Variants in FAM184A observed in about 807,000 individuals in gnomAD.
FAM184A encodes the protein family with sequence similarity 184 member A, also known as protein FAM184A.
FAM184A carries 99 observed loss-of-function variants against 143.8 expected under a neutral mutation model. That is an observed-to-expected ratio of 0.69 (90% CI 0.58 to 0.81). The LOEUF (loss-of-function observed/expected upper bound fraction) is 0.81. Ranked by LOEUF, FAM184A falls within the 40% of genes least tolerant of loss-of-function variation. The pLI is 0.00. For missense variants in FAM184A, 1,217 were observed against 1,310.5 expected (o/e 0.93, Z 1.10); for synonymous variants, 427 against 446.4 (o/e 0.96, Z 0.55).
chr6:119,117,063 A>G (rs1374720973), intron 1 of FAM184A, among the ~76,000 whole-genome samples: 1 of 152,236 alleles, frequency 6.6e-6, no homozygotes, highest in Non-Finnish European at 1.5e-5. Flanking sequence ...TGAGTGACCA[A>G]GTAGAACTAC....
chr6:119,067,743 T>A (rs969909557), intron 1 of FAM184A, among the ~76,000 whole-genome samples: 2 of 152,192 alleles, frequency 1.3e-5, no homozygotes, highest in Non-Finnish European at 2.9e-5. Context: ...GAACTGACTA[T>A]ATTTTATTTG....
At position 119,117,008 on chromosome 6, in the gene FAM184A, A is replaced by T. The variant is rs994679083; in HGVS notation, c.-202+32070T>A. On this transcript the variant is annotated intron_variant, in intron 1 of 16. Coordinates refer to the FAM184A transcript ENST00000352896. ...AACAGGAAAGCCTCCCAGACAGGATAGTATCTGCATTTTAGAAATATTATT... is the reference window on the plus strand; with the variant it reads ...AACAGGAAAGCCTCCCAGACAGGATTGTATCTGCATTTTAGAAATATTATT... Among the ~76,000 whole-genome samples, 35 of 152,228 alleles carry T rather than the reference A, an allele frequency of 2.3e-4. 1 individual carries two copies. Among genetic ancestry groups the T allele is most frequent in the African/African-American group, 8.4e-4 (35 of 41,460 alleles).
chr6:119,082,906 A>G (rs7750246), upstream of FAM184A, among the ~76,000 whole-genome samples: 62,020 of 152,068 alleles, frequency 0.41, 14,041 homozygotes, highest in East Asian at 0.67. Flanking sequence ...TTGACCCCAC[A>G]TTTCCCTTCT....
intron 14 of FAM184A, among the ~76,000 whole-genome samples, chr6:118,970,951 A>C (rs1264633386): frequency 6.6e-6 from 1 of 152,190 alleles, no homozygotes; most frequent in Non-Finnish European, 1.5e-5. Context: ...GAAAAGGATA[A>C]AAAAATAAAA....
chr6:119,132,515 T>A (rs1054054541), intron 1 of FAM184A, among the ~76,000 whole-genome samples: 1 of 152,240 alleles, frequency 6.6e-6, no homozygotes, highest in Non-Finnish European at 1.5e-5. Context: ...ATTCATGCAC[T>A]CAAAATCCAC....
intron 1 of FAM184A, among the ~76,000 whole-genome samples, chr6:119,097,847 T>C (rs1788547410): frequency 6.6e-6 from 1 of 152,142 alleles, no homozygotes; most frequent in Non-Finnish European, 1.5e-5. Flanking sequence ...AAAAATATAC[T>C]CTAATCTTTC....
At chr6:119,143,386 A>G (rs745754145) in intron 1 of FAM184A, among the ~76,000 whole-genome samples, 7 of 152,230 alleles carry the variant, frequency 4.6e-5, no homozygotes, top group Non-Finnish European at 1.0e-4. Context: ...CAGAAAATCC[A>G]CTAATCTATA....
At position 119,023,098 on chromosome 6, in the gene FAM184A, G is replaced by T; in HGVS notation, c.1015-18C>A. On this transcript the variant is annotated intron_variant, in intron 2 of 17. Transcript: ENST00000338891. ...TGAAGAACCTAAGAAAGATTAAATA[G>T]CCATTGTTAAAATGCAGGAATAATA... The T allele has an allele frequency of 6.2e-7, 1 of 1,613,078 alleles. No individual in the cohort carries two copies. Among genetic ancestry groups the T allele is most frequent in the African/African-American group, 1.3e-5 (1 of 74,984 alleles).
At chr6:119,121,723 A>G (rs1789218542) in intron 1 of FAM184A, among the ~76,000 whole-genome samples, 1 of 152,194 alleles carries the variant, frequency 6.6e-6, no homozygotes, top group African/African-American at 2.4e-5. Flanking sequence ...ATCCGGCTTC[A>G]TGCTAAATAG....
chr6:119,047,120 A>G (rs1355342880), intron 1 of FAM184A, among the ~76,000 whole-genome samples: 1 of 151,560 alleles, frequency 6.6e-6, no homozygotes, highest in Non-Finnish European at 1.5e-5. Context: ...AAACAGGCAT[A>G]TAAAAAAGTG....
intron 1 of FAM184A, among the ~76,000 whole-genome samples, chr6:119,094,765 TA>T (rs36001723): frequency 3.3e-3 from 479 of 145,564 alleles, no homozygotes; most frequent in African/African-American, 0.01. Context: ...GATGGAAAAG[TA>T]AAAAAAAAAA....
At chr6:119,043,961 G>C (rs989641425) in intron 1 of FAM184A, among the ~76,000 whole-genome samples, 2 of 152,218 alleles carry the variant, frequency 1.3e-5, no homozygotes, top group African/African-American at 4.8e-5. Flanking sequence ...AGAAAAGGAA[G>C]AGTAAATGAA....
At chr6:119,020,971 A>G (rs1785424538) in intron 3 of FAM184A, among the ~76,000 whole-genome samples, 1 of 152,188 alleles carries the variant, frequency 6.6e-6, no homozygotes, top group Admixed American at 6.5e-5. Flanking sequence ...AAATGAGGAG[A>G]GACAGAGAGA....
At chr6:118,978,110 T>G (rs977184643) in intron 11 of FAM184A, among the ~76,000 whole-genome samples, 1 of 152,162 alleles carries the variant, frequency 6.6e-6, no homozygotes, top group Non-Finnish European at 1.5e-5. Flanking sequence ...ATTACAGGCA[T>G]GCGCCACCAC....
intron 5 of FAM184A, among the ~76,000 whole-genome samples, chr6:119,015,105 C>T (rs865780971): frequency 4.7e-4 from 71 of 151,988 alleles, no homozygotes; most frequent in African/African-American, 1.7e-3. Context: ...GCAGCAGCAG[C>T]AAATCATTGC....
At chr6:119,113,218 C>T (rs986673443) in intron 1 of FAM184A, among the ~76,000 whole-genome samples, 3 of 152,146 alleles carry the variant, frequency 2.0e-5, no homozygotes, top group African/African-American at 7.2e-5. Flanking sequence ...AAAATGCTCT[C>T]ATTATGTTCC....
rs1034846275 is a variant in FAM184A at position 118,959,884 on chromosome 6, A to T, written c.*219T>A. ...AATTACAAAGGTTAAAGACTCTTCC[A>T]TCTCAAATAAAAATAACAGTTATAA... On this transcript the variant is annotated 3_prime_UTR_variant, in exon 18 of 18. Coordinates refer to ENST00000338891, the MANE Select transcript of FAM184A (RefSeq NM_024581.6). 3.9e-5 allele frequency: 13 copies of T among 332,132 alleles called. No individual in the cohort carries two copies. Among genetic ancestry groups the T allele is most frequent in the Non-Finnish European group, 7.1e-5 (13 of 184,126 alleles). 20.6% of individuals were successfully genotyped at this position (332,132 alleles called of 1,614,324 possible).
intron 1 of FAM184A, among the ~76,000 whole-genome samples, chr6:119,088,524 A>G (rs974270889): frequency 6.6e-6 from 1 of 152,200 alleles, no homozygotes; most frequent in African/African-American, 2.4e-5. Flanking sequence ...TTTTGGCCAG[A>G]AGAATCATAG....
intron 6 of FAM184A, among the ~76,000 whole-genome samples, chr6:119,007,651 T>C (rs900194155): frequency 7.9e-5 from 12 of 152,136 alleles, no homozygotes; most frequent in African/African-American, 2.9e-4. Flanking sequence ...TAAAGAATAG[T>C]ATTCTAGGGC....
Sources: allele counts gnomAD v4.1 joint callset (sites outside exome capture counted in the v4.1 genomes callset), GRCh38; gene constraint gnomAD v4.1.1; transcripts MANE v1.5; gene names NCBI Gene and HGNC (gene_info 2026-07-23, HGNC 2026-07-21).